CTNND2: variants seen among roughly 807,000 people sequenced by gnomAD.
CTNND2 encodes catenin delta-2.
CTNND2 carries 22 observed loss-of-function variants against 144.4 expected under a neutral mutation model. That is an observed-to-expected ratio of 0.15 (90% CI 0.11 to 0.22). The LOEUF (loss-of-function observed/expected upper bound fraction) is 0.22, where lower values mean the gene tolerates loss of function less well. Ranked by LOEUF, CTNND2 falls within the 10% of genes least tolerant of loss-of-function variation. CTNND2 has a pLI of 1.00. For synonymous variants in CTNND2, 751 were observed against 695.6 expected, an observed-to-expected ratio of 1.08 and a Z score of -1.25; for missense variants, 1,353 against 1,618.8, an observed-to-expected ratio of 0.84 and a Z score of 2.82.
At chr5:11,396,992 C>A (rs1320382069) in intron 6 of CTNND2, 39 bp downstream of exon 6, 5 of 1,569,700 alleles carry the variant, frequency 3.2e-6, no homozygotes, top group African/African-American at 1.4e-5. Flanking sequence ...CACCTGTCCC[C>A]TTGGAGTCCA....
At chr5:11,789,025 T>C (rs187932880) in intron 1 of CTNND2, among the ~76,000 whole-genome samples, 44 of 152,242 alleles carry the variant, frequency 2.9e-4, no homozygotes, top group Admixed American at 2.7e-3. Flanking sequence ...TGAGATACCA[T>C]CTCACACCAG....
chr5:11,801,622 G>A (rs575283210), intron 1 of CTNND2, among the ~76,000 whole-genome samples: 1 of 152,238 alleles, frequency 6.6e-6, no homozygotes, highest in South Asian at 2.1e-4. Flanking sequence ...TCCATAGGCA[G>A]CAACCAATTT....
At chr5:11,093,475 C>T (rs6882461) in intron 15 of CTNND2, among the ~76,000 whole-genome samples, 8,408 of 152,070 alleles carry the variant, frequency 0.055, 737 homozygotes, top group African/African-American at 0.19. Flanking sequence ...TTTTCTGATG[C>T]TCATAAACCA....
chr5:11,324,740 C>T (rs912415681), intron 9 of CTNND2, among the ~76,000 whole-genome samples: 1 of 152,170 alleles, frequency 6.6e-6, no homozygotes, highest in African/African-American at 2.4e-5. Flanking sequence ...TGCCATTGAA[C>T]GTGGAGAGGG....
intron 9 of CTNND2, among the ~76,000 whole-genome samples, chr5:11,320,106 T>C (rs1203120431): frequency 1.3e-5 from 2 of 152,202 alleles, no homozygotes; most frequent in African/African-American, 2.4e-5. Flanking sequence ...TCATTAGTCA[T>C]AGGCACTGCT....
chr5:11,518,562 C>T (rs1772406079), intron 3 of CTNND2, among the ~76,000 whole-genome samples: 1 of 152,208 alleles, frequency 6.6e-6, no homozygotes, highest in African/African-American at 2.4e-5. Context: ...CTCACAGACT[C>T]ATCCACAGCG....
At chr5:11,034,010 T>G (rs1417178524) in intron 16 of CTNND2, among the ~76,000 whole-genome samples, 2 of 152,192 alleles carry the variant, frequency 1.3e-5, no homozygotes, top group Non-Finnish European at 2.9e-5. Context: ...ACTAAGACAC[T>G]TCAGGACCTT....
intron 2 of CTNND2, among the ~76,000 whole-genome samples, chr5:11,694,454 GA>G (rs1485652017): frequency 6.6e-6 from 1 of 151,444 alleles, no homozygotes; most frequent in Admixed American, 6.6e-5. Context: ...AAAAGAAAAT[GA>G]AAAAAACAAA....
chr5:11,283,263 C>T (rs985264777), intron 9 of CTNND2, among the ~76,000 whole-genome samples: 2 of 152,022 alleles, frequency 1.3e-5, no homozygotes, highest in Admixed American at 1.3e-4. Context: ...AATCACTTGC[C>T]CATGCCCAGT....
At chr5:11,797,899 C>T (rs994171174) in intron 1 of CTNND2, among the ~76,000 whole-genome samples, 1 of 152,096 alleles carries the variant, frequency 6.6e-6, no homozygotes, top group Non-Finnish European at 1.5e-5. Flanking sequence ...ATGTTTATAA[C>T]TGTTTTAAAT....
At chr5:11,242,486 G>T (rs1208110609) in intron 9 of CTNND2, among the ~76,000 whole-genome samples, 1 of 152,158 alleles carries the variant, frequency 6.6e-6, no homozygotes, top group East Asian at 1.9e-4. Flanking sequence ...GTCTAAAACA[G>T]TGCCCCTCCG....
intron 1 of CTNND2, among the ~76,000 whole-genome samples, chr5:11,857,564 A>C (rs1420543604): frequency 9.9e-5 from 15 of 152,176 alleles, no homozygotes; most frequent in Admixed American, 9.8e-4. Flanking sequence ...TGTCATTTGG[A>C]GCCAGAATAA....
rs1345402354 is a variant in CTNND2 at position 11,904,086 on chromosome 5, A to G, written c.-233T>C. 1 of 200,318 alleles carries G rather than the reference A, an allele frequency of 5.0e-6. No homozygotes were observed. Among genetic ancestry groups the G allele is most frequent in the African/African-American group, 2.4e-5 (1 of 41,754 alleles). The allele number at this position is 200,318 out of a possible 1,614,324, so 12.4% of individuals were successfully genotyped here. The stretch of plus-strand genomic sequence containing the variant: ...CCCGGCGGCCCCTCCGAGCTCGGCG[A>G]GCGCAGCGCCCCCTGCCCGGCTCCG... On this transcript the variant is annotated 5_prime_UTR_variant, in exon 1 of 22. Transcript: ENST00000304623. This position sits in a 1 kb window ranked among gnomAD's most constrained non-coding sequence, Gnocchi z 4.2.
intron 3 of CTNND2, among the ~76,000 whole-genome samples, chr5:11,492,369 T>C (rs1450113328): frequency 6.6e-6 from 1 of 152,164 alleles, no homozygotes; most frequent in African/African-American, 2.4e-5. Context: ...TTCAGTAGTG[T>C]GGGTGTGTCT....
At chr5:11,863,882 A>G (rs907515645) in intron 1 of CTNND2, among the ~76,000 whole-genome samples, 2 of 152,242 alleles carry the variant, frequency 1.3e-5, no homozygotes, top group Admixed American at 6.5e-5. Context: ...TCTACAAAAT[A>G]GATATAATAG....
chr5:11,700,039 A>G (rs1180441643), intron 2 of CTNND2, among the ~76,000 whole-genome samples: 2 of 152,284 alleles, frequency 1.3e-5, no homozygotes, highest in East Asian at 3.9e-4. Context: ...CACTGTGGGT[A>G]GGTAGTTGTG....
intron 18 of CTNND2, among the ~76,000 whole-genome samples, chr5:10,997,014 A>G (rs852610): frequency 0.79 from 120,118 of 151,994 alleles, 47,704 homozygotes; most frequent in African/African-American, 0.86. Flanking sequence ...GAGGGGTCCA[A>G]GTAATGATGG....
intron 13 of CTNND2, 24 bp from the exon 14 acceptor site, chr5:11,111,067 G>A: frequency 6.2e-7 from 1 of 1,604,292 alleles, no homozygotes; most frequent in African/African-American, 1.3e-5. Context: ...GGAAACAGAG[G>A]AAAGAATGAG....
chr5:11,860,289 T>A (rs184709425), intron 1 of CTNND2, among the ~76,000 whole-genome samples: 1 of 152,354 alleles, frequency 6.6e-6, no homozygotes, highest in East Asian at 1.9e-4. Context: ...ACTGGACAAT[T>A]CTGTAATCAC....
Sources: allele counts gnomAD v4.1 joint callset (sites outside exome capture counted in the v4.1 genomes callset), GRCh38; gene constraint gnomAD v4.1.1; non-coding constraint Gnocchi (gnomAD v3.1); transcripts MANE v1.5; gene names NCBI Gene and HGNC (gene_info 2026-07-23, HGNC 2026-07-21).